Variants in PKIA observed in about 807,000 individuals in gnomAD.
The protein encoded by PKIA is PKI-alpha.
Under a neutral mutation model 7.6 loss-of-function variants are expected in PKIA, and 4 were observed. The observed-to-expected ratio is 0.52, with a 90% confidence interval of 0.26 to 1.20. PKIA has a LOEUF of 1.20. Among genes scored for constraint, PKIA ranks in the 50% most tolerant of loss-of-function variants. PKIA has a pLI of 0.13. For synonymous variants in PKIA, 21 were observed against 30.7 expected, an observed-to-expected ratio of 0.68 and a Z score of 1.04; for missense variants, 73 against 86.2, an observed-to-expected ratio of 0.85 and a Z score of 0.61.
chr8:78,524,734 T>C (rs1364007187), intron 1 of PKIA, among the ~76,000 whole-genome samples: 1 of 151,888 alleles, frequency 6.6e-6, no homozygotes, highest in South Asian at 2.1e-4. Flanking sequence ...TTGATATATT[T>C]TATCAATGTT....
At chr8:78,567,738 G>C (rs969113529) in intron 1 of PKIA, among the ~76,000 whole-genome samples, 1 of 152,236 alleles carries the variant, frequency 6.6e-6, no homozygotes, top group Admixed American at 6.5e-5. Flanking sequence ...TTCTGCACTG[G>C]AGACTTATCT....
intron 1 of PKIA, among the ~76,000 whole-genome samples, chr8:78,565,405 TA>T (rs1807379557): frequency 6.6e-6 from 1 of 152,004 alleles, no homozygotes; most frequent in Non-Finnish European, 1.5e-5. Context: ...TCCACTATTT[TA>T]AAAACTCTTC....
At chr8:78,532,697 AG>A (rs1806418363) in intron 1 of PKIA, among the ~76,000 whole-genome samples, 1 of 151,998 alleles carries the variant, frequency 6.6e-6, no homozygotes, top group African/African-American at 2.4e-5. Context: ...ACTTAAGACC[AG>A]GAGATCAAGA....
chr8:78,575,713 G>T (rs6473107), intron 2 of PKIA, among the ~76,000 whole-genome samples: 27,296 of 151,838 alleles, frequency 0.18, 2,874 homozygotes, highest in African/African-American at 0.29. Flanking sequence ...TCAAAGTTAC[G>T]CAAGTCAACT....
intron 1 of PKIA, among the ~76,000 whole-genome samples, chr8:78,572,268 CACAA>C (rs959677543): frequency 4.6e-5 from 7 of 152,118 alleles, no homozygotes; most frequent in Admixed American, 6.6e-5. Flanking sequence ...CACACACACA[CACAA>C]ACATTTTGTG....
At chr8:78,529,066 A>C (rs1806328656) in intron 1 of PKIA, among the ~76,000 whole-genome samples, 1 of 152,094 alleles carries the variant, frequency 6.6e-6, no homozygotes, top group Non-Finnish European at 1.5e-5. Context: ...ATGCATCAGA[A>C]AGACAAAAAT....
intron 1 of PKIA, among the ~76,000 whole-genome samples, chr8:78,538,963 G>C (rs1358478531): frequency 2.0e-5 from 3 of 152,006 alleles, no homozygotes; most frequent in African/African-American, 7.2e-5. Context: ...TGCATGCTAT[G>C]ACAAGGAGGC....
intron 2 of PKIA, among the ~76,000 whole-genome samples, chr8:78,588,863 T>C (rs565552013): frequency 6.6e-6 from 1 of 150,906 alleles, no homozygotes; most frequent in South Asian, 2.1e-4. Flanking sequence ...ATTGTTCCAT[T>C]GCACCCCAGC....
chr8:78,564,456 G>A (rs1192604620), intron 1 of PKIA, among the ~76,000 whole-genome samples: 3 of 151,942 alleles, frequency 2.0e-5, no homozygotes, highest in Admixed American at 2.0e-4. Flanking sequence ...AAAATTTAAA[G>A]AAATGGAACA....
At chr8:78,573,065 T>C (rs1344816912) in intron 2 of PKIA, 126 bp downstream of exon 2, 1 of 152,030 alleles carries the variant, frequency 6.6e-6, no homozygotes, top group Non-Finnish European at 1.5e-5. Context: ...CACAATCCCC[T>C]TGGAGGTTGT....
intron 1 of PKIA, among the ~76,000 whole-genome samples, chr8:78,517,177 A>T (rs77292620): frequency 0.018 from 2,797 of 152,296 alleles, 52 homozygotes; most frequent in South Asian, 0.044. Context: ...TCAAGGTCCC[A>T]AAAAGGGCAT....
Position 78,602,760 on chromosome 8 carries a change from A to G in PKIA, c.*939A>G, listed in dbSNP as rs1808382928. On this transcript the variant is annotated 3_prime_UTR_variant, in exon 4 of 4. Coordinates refer to ENST00000396418, the MANE Select transcript of PKIA (RefSeq NM_006823.4). Reference sequence around the variant, plus strand: ...GACAATTGGAAAGGTAGAAAAGAAAAGCCAAGATCATACTAAGGACTGGAA... The same window carrying G: ...GACAATTGGAAAGGTAGAAAAGAAAGGCCAAGATCATACTAAGGACTGGAA... 6.7e-6 allele frequency: 1 copy of G among 150,048 alleles called. No individual in the cohort carries two copies. The highest frequency in any genetic ancestry group is 1.5e-5 in the Non-Finnish European group (1 of 67,574). The allele number at this position is 150,048 out of a possible 1,614,324, so 9.3% of individuals were successfully genotyped here.
chr8:78,538,099 C>A (rs1563570915), intron 1 of PKIA, among the ~76,000 whole-genome samples: 1 of 152,060 alleles, frequency 6.6e-6, no homozygotes, highest in Non-Finnish European at 1.5e-5. Context: ...CTCTACGTCC[C>A]TGTGCTGACA....
intron 2 of PKIA, among the ~76,000 whole-genome samples, chr8:78,585,668 T>C: frequency 6.6e-6 from 1 of 151,916 alleles, no homozygotes. Flanking sequence ...AACATGATCA[T>C]AGCAACTGTT....
intron 1 of PKIA, among the ~76,000 whole-genome samples, chr8:78,563,196 C>A (rs1018364423): frequency 6.6e-6 from 1 of 152,132 alleles, no homozygotes; most frequent in Non-Finnish European, 1.5e-5. Context: ...AATTAGTGGT[C>A]ATCTGATCTT....
chr8:78,521,640 G>A (rs1809419372), intron 1 of PKIA, among the ~76,000 whole-genome samples: 1 of 151,822 alleles, frequency 6.6e-6, no homozygotes, highest in South Asian at 2.1e-4. Flanking sequence ...TCTAAAATAA[G>A]TAAAATGTTA....
In PKIA at chr8:78,540,166, T is replaced by G. The variant is rs542194686; in HGVS notation, c.-157+23698T>G. ...AAGGCAATAAAAGGGTGTAACTTGC[T>G]TCCCTACGAGTTCTAATGCTAGGAG... On this transcript the variant is annotated intron_variant, in intron 1 of 3. Coordinates refer to ENST00000396418, the MANE Select transcript of PKIA (RefSeq NM_006823.4). Among the ~76,000 whole-genome samples, 22 of 151,762 alleles carry G rather than the reference T, an allele frequency of 1.4e-4. No homozygotes were observed. The South Asian group carries it at 4.4e-3, about 30-fold the overall frequency.
rs142071889 is a variant in PKIA at position 78,559,885 on chromosome 8, T to C, written c.-156-12926T>C. On this transcript the variant is annotated intron_variant, in intron 1 of 3. Transcript: ENST00000396418. Reference sequence around the variant, plus strand: ...TGTAACATAAAGATTTTTGGTGATATCCTAGTCCCAAAGTGATAACCTAGA... The same window carrying C: ...TGTAACATAAAGATTTTTGGTGATACCCTAGTCCCAAAGTGATAACCTAGA... 3.4e-3 allele frequency among the ~76,000 whole-genome samples: 521 copies of C among 152,346 alleles called. 5 individuals are homozygous for C. The highest frequency in any genetic ancestry group is 0.012 in the African/African-American group (486 of 41,582).
intron 2 of PKIA, among the ~76,000 whole-genome samples, chr8:78,581,242 C>A (rs1455868895): frequency 6.6e-6 from 1 of 151,852 alleles, no homozygotes; most frequent in Non-Finnish European, 1.5e-5. Flanking sequence ...AAAGGATTTC[C>A]CCTGGGCAAA....
Sources: gnomAD v4.1 joint callset for allele counts (sites outside exome capture counted in the v4.1 genomes callset) on GRCh38, gnomAD v4.1.1 for gene constraint, MANE v1.5 for transcripts, NCBI Gene and HGNC (gene_info 2026-07-23, HGNC 2026-07-21) for gene names.